The following PPP1R1C variants were observed in gnomAD, a reference collection of about 807,000 sequenced individuals.
The protein encoded by PPP1R1C is protein phosphatase 1 regulatory inhibitor subunit 1C, also known as protein phosphatase 1 regulatory subunit 1C.
A neutral mutation model predicts 17.4 loss-of-function variants in PPP1R1C; 15 were observed. The ratio of observed to expected loss-of-function variants is 0.86; its 90% CI spans 0.58 to 1.33. PPP1R1C has a LOEUF of 1.33. Ranked by LOEUF, PPP1R1C falls within the 40% of genes most tolerant of loss-of-function variation. The pLI, the probability that PPP1R1C is intolerant of heterozygous loss-of-function variation, is 0.00. For missense variants in PPP1R1C, 143 were observed against 130.0 expected, an observed-to-expected ratio of 1.10 and a Z score of -0.48; for synonymous variants, 35 against 43.1, an observed-to-expected ratio of 0.81 and a Z score of 0.73.
chr2:181,994,951 C>G (rs988894310), intron 2 of PPP1R1C, among the ~76,000 whole-genome samples: 1 of 152,180 alleles, frequency 6.6e-6, no homozygotes. Context: ...TTTATTCCAA[C>G]TTACTAGTAG....
Position 181,962,001 on chromosome 2 carries a change from C to A in PPP1R1C, n.111+7367C>A. Reference sequence around the variant, plus strand: ...TACTTGACTCTAAAGTCATCGGCTGCAAGACAGGCATTGTCAATCTGCAAA... The same window carrying A: ...TACTTGACTCTAAAGTCATCGGCTGAAAGACAGGCATTGTCAATCTGCAAA... On this transcript the variant is annotated intron_variant and non_coding_transcript_variant, in intron 1 of 5. Coordinates refer to the PPP1R1C transcript ENST00000464264. The surrounding 1 kb of genome is among the most constrained non-coding windows in gnomAD (Gnocchi z 6.0). The A allele has an allele frequency of 1.4e-6, 1 of 731,506 alleles. No individual in the cohort carries two copies. The allele number at this position is 731,506 out of a possible 1,614,324, so 45.3% of individuals were successfully genotyped here.
At chr2:181,966,756 C>T (rs1021467581) in intron 1 of PPP1R1C, among the ~76,000 whole-genome samples, 2 of 152,048 alleles carry the variant, frequency 1.3e-5, no homozygotes, top group Non-Finnish European at 2.9e-5. Context: ...AGATATTGAC[C>T]TGTGATTTTC....
At chr2:182,103,253 A>G (rs562997378) in intron 4 of PPP1R1C, among the ~76,000 whole-genome samples, 1 of 152,338 alleles carries the variant, frequency 6.6e-6, no homozygotes, top group Admixed American at 6.5e-5. Flanking sequence ...TTAAATTTGA[A>G]TAGAGTGGAA....
At chr2:182,066,183 A>G (rs1320785800) in intron 4 of PPP1R1C, among the ~76,000 whole-genome samples, 1 of 152,160 alleles carries the variant, frequency 6.6e-6, no homozygotes, top group Non-Finnish European at 1.5e-5. Flanking sequence ...CAAGTATTTT[A>G]CAGGTACAGC....
intron 2 of PPP1R1C, among the ~76,000 whole-genome samples, chr2:182,006,720 A>G (rs1370490261): frequency 6.6e-6 from 1 of 152,210 alleles, no homozygotes; most frequent in Non-Finnish European, 1.5e-5. Context: ...TAACACAAAG[A>G]AGTTGAAACA....
At chr2:182,004,923 C>A (rs1208082300) in intron 2 of PPP1R1C, among the ~76,000 whole-genome samples, 1 of 152,004 alleles carries the variant, frequency 6.6e-6, no homozygotes, top group Non-Finnish European at 1.5e-5. Flanking sequence ...AAGACAGAAG[C>A]CATTTGGGAG....
intron 2 of PPP1R1C, among the ~76,000 whole-genome samples, chr2:181,975,774 A>AT (rs1685083230): frequency 1.3e-5 from 2 of 152,050 alleles, no homozygotes; most frequent in Admixed American, 1.3e-4. Flanking sequence ...CTGTGTACCT[A>AT]TAATATTGCT....
intron 2 of PPP1R1C, among the ~76,000 whole-genome samples, chr2:182,047,647 T>C (rs537871490): frequency 1.6e-4 from 25 of 152,278 alleles, no homozygotes; most frequent in Middle Eastern, 3.4e-3. Flanking sequence ...TCACTACTGA[T>C]AAGATGATGC....
chr2:182,060,216 C>T (rs1687810579), intron 2 of PPP1R1C, among the ~76,000 whole-genome samples: 2 of 151,962 alleles, frequency 1.3e-5, no homozygotes, highest in South Asian at 4.1e-4. Context: ...ATTTAGTAAG[C>T]AAGATATCAG....
At chr2:182,111,933 G>A (rs1025167244) in intron 4 of PPP1R1C, among the ~76,000 whole-genome samples, 3 of 152,038 alleles carry the variant, frequency 2.0e-5, no homozygotes, top group Non-Finnish European at 4.4e-5. Context: ...TTTGCGATAG[G>A]CACCAGGTTT....
chr2:182,044,971 GTCTC>G (rs1401436389), intron 2 of PPP1R1C, among the ~76,000 whole-genome samples: 1 of 152,018 alleles, frequency 6.6e-6, no homozygotes. Flanking sequence ...TCATCTTTCT[GTCTC>G]TCTATCTATA....
At chr2:182,100,373 G>A (rs906644203) in intron 4 of PPP1R1C, among the ~76,000 whole-genome samples, 1 of 151,966 alleles carries the variant, frequency 6.6e-6, no homozygotes, top group African/African-American at 2.4e-5. Flanking sequence ...AGCTGGGCAT[G>A]GTGGTGCGTG....
intron 2 of PPP1R1C, among the ~76,000 whole-genome samples, chr2:182,043,612 T>C (rs564555966): frequency 6.6e-6 from 1 of 152,168 alleles, no homozygotes; most frequent in Admixed American, 6.5e-5. Context: ...GAGTAGCTGA[T>C]CCGGGACAAC....
At chr2:182,079,865 C>T (rs1688420989) in intron 4 of PPP1R1C, among the ~76,000 whole-genome samples, 1 of 152,144 alleles carries the variant, frequency 6.6e-6, no homozygotes, top group Non-Finnish European at 1.5e-5. Context: ...TCTCACTCTT[C>T]CCGTGGCCTG....
At chr2:182,067,501 C>A (rs1042918346) in intron 4 of PPP1R1C, among the ~76,000 whole-genome samples, 8 of 152,018 alleles carry the variant, frequency 5.3e-5, no homozygotes, top group African/African-American at 1.9e-4. Context: ...CTTCAGATCA[C>A]CAAATGAAAC....
chr2:181,963,366 C>T (rs1243199651), intron 1 of PPP1R1C, among the ~76,000 whole-genome samples: 5 of 152,122 alleles, frequency 3.3e-5, no homozygotes, highest in African/African-American at 9.7e-5. Flanking sequence ...GTTGGCCAGG[C>T]GCAATGGCTT....
chr2:182,123,721 T>G (rs138805393), intron 5 of PPP1R1C, among the ~76,000 whole-genome samples: 41,340 of 152,100 alleles, frequency 0.27, 6,853 homozygotes, highest in African/African-American at 0.47. Flanking sequence ...TCTTGTAAAT[T>G]TGTTTAAGTT....
intron 2 of PPP1R1C, among the ~76,000 whole-genome samples, chr2:182,014,884 A>G (rs1686211360): frequency 6.6e-6 from 1 of 152,124 alleles, no homozygotes; most frequent in African/African-American, 2.4e-5. Context: ...TCAAGGCCCA[A>G]GGACTCTTTA....
At chr2:182,050,399 G>A (rs1180510772) in intron 2 of PPP1R1C, among the ~76,000 whole-genome samples, 1 of 152,124 alleles carries the variant, frequency 6.6e-6, no homozygotes, top group Non-Finnish European at 1.5e-5. Context: ...TTGGTCTTTA[G>A]GACTAAATTA....
Sources: allele counts gnomAD v4.1 joint callset (sites outside exome capture counted in the v4.1 genomes callset), GRCh38; gene constraint gnomAD v4.1.1; non-coding constraint Gnocchi (gnomAD v3.1); transcripts MANE v1.5; gene names NCBI Gene and HGNC (gene_info 2026-07-23, HGNC 2026-07-21).